LIPG: variants seen among roughly 807,000 people sequenced by gnomAD.
The protein encoded by LIPG is lipase G, endothelial type, also known as endothelial lipase.
LIPG carries 34 observed loss-of-function variants against 51.8 expected under a neutral mutation model. The observed-to-expected ratio is 0.66, with a 90% confidence interval of 0.50 to 0.87. The LOEUF is 0.87. LIPG is among the 40% of genes least tolerant of loss of function. The pLI is 0.00. For synonymous variants in LIPG, 246 were observed against 246.1 expected (o/e 1.00, Z 0.00); for missense variants, 580 against 652.7 (o/e 0.89, Z 1.21).
chr18:49,586,712 T>G (rs751698032), intron 8 of LIPG, 34 bp from the exon 9 acceptor site: 1 of 1,476,710 alleles, frequency 6.8e-7, no homozygotes, highest in Non-Finnish European at 9.5e-7. Context: ...CCCCTAAAGT[T>G]CTGCCTACAT....
intron 2 of LIPG, among the ~76,000 whole-genome samples, 157 bp from the exon 3 acceptor site, chr18:49,567,285 G>A (rs1295892452): frequency 6.6e-6 from 1 of 151,760 alleles, no homozygotes; most frequent in African/African-American, 2.4e-5. Context: ...ATCATGAGCT[G>A]AGATTGTTGT....
intron 7 of LIPG, among the ~76,000 whole-genome samples, chr18:49,583,216 G>A (rs553995056): frequency 1.3e-5 from 2 of 152,288 alleles, no homozygotes; most frequent in South Asian, 2.1e-4. Flanking sequence ...GCGGAACAGC[G>A]CACTTGAGTG....
At chr18:49,579,490 T>G (rs934395787) in intron 5 of LIPG, among the ~76,000 whole-genome samples, 3 of 151,960 alleles carry the variant, frequency 2.0e-5, no homozygotes, top group Non-Finnish European at 4.4e-5. Context: ...GAACTGAATT[T>G]GCTGCTAAAA....
At chr18:49,569,398 C>G (rs766851857) in intron 3 of LIPG, 39 bp from the exon 4 acceptor site, 2 of 1,556,276 alleles carry the variant, frequency 1.3e-6, no homozygotes, top group Non-Finnish European at 1.8e-6. Context: ...GGCTCTGGAC[C>G]CTGCTCTTCT....
intron 4 of LIPG, among the ~76,000 whole-genome samples, chr18:49,574,061 A>G (rs943761574): frequency 3.3e-5 from 5 of 152,208 alleles, no homozygotes; most frequent in African/African-American, 1.2e-4. Flanking sequence ...CTGGGGGGCA[A>G]AGCCACTTGT....
At chr18:49,567,787 C>A in intron 3 of LIPG, 166 bp downstream of exon 3, 1 of 671,818 alleles carries the variant, frequency 1.5e-6, no homozygotes, top group Non-Finnish European at 2.4e-6. Flanking sequence ...TACTTGAAAG[C>A]TGGGACTTTT....
intron 5 of LIPG, among the ~76,000 whole-genome samples, chr18:49,577,871 G>A (rs1276111706): frequency 1.7e-5 from 2 of 117,344 alleles, no homozygotes; most frequent in African/African-American, 7.5e-5. Flanking sequence ...CCTCCCAGAC[G>A]GGGTGGCTGG....
At position 49,591,261 on chromosome 18, in the gene LIPG, A is replaced by C. The variant is rs1393540295; in HGVS notation, c.*739A>C. The C allele has an allele frequency of 6.5e-6, 1 of 152,812 alleles. No homozygotes were observed. Among genetic ancestry groups the C allele is most frequent in the Non-Finnish European group, 1.5e-5 (1 of 68,598 alleles). The allele number at this position is 152,812 out of a possible 1,614,324, so 9.5% of individuals were successfully genotyped here. On this transcript the variant is annotated 3_prime_UTR_variant, in exon 10 of 10. Transcript: ENST00000261292. ...CTTTCTGTTTGGATGGTGTATGTGTATATGCATGGGGAAAGGCACCTGGGG... is the reference window on the plus strand; with the variant it reads ...CTTTCTGTTTGGATGGTGTATGTGTCTATGCATGGGGAAAGGCACCTGGGG...
intron 4 of LIPG, 131 bp from the exon 5 acceptor site, chr18:49,575,238 C>A: frequency 1.5e-6 from 1 of 674,514 alleles, no homozygotes; most frequent in Non-Finnish European, 2.6e-6. Context: ...CCATGCTTTC[C>A]ATGTCTTGAT....
At chr18:49,578,689 T>G (rs1278025441) in intron 5 of LIPG, among the ~76,000 whole-genome samples, 2 of 149,064 alleles carry the variant, frequency 1.3e-5, no homozygotes, top group African/African-American at 4.9e-5. Context: ...AGGTGTAGGT[T>G]GTAGTGAGCC....
intron 4 of LIPG, 150 bp downstream of exon 4, chr18:49,569,698 CA>C: frequency 2.9e-6 from 2 of 686,934 alleles, no homozygotes; most frequent in South Asian, 3.5e-5. Flanking sequence ...TTTTTAGTCA[CA>C]AGAAACTTTT....
At chr18:49,561,996 C>T, upstream of LIPG, 3 of 1,405,396 alleles carry the variant, frequency 2.1e-6, no homozygotes, top group Non-Finnish European at 2.8e-6. Flanking sequence ...TGCAAATCAC[C>T]ATCTGGCGAT....
At chr18:49,577,778 G>GC (rs1249668972) in intron 5 of LIPG, among the ~76,000 whole-genome samples, 1 of 111,884 alleles carries the variant, frequency 8.9e-6, no homozygotes, top group Non-Finnish European at 1.9e-5. Context: ...GGATGGGGCG[G>GC]CTGGCCAGGC....
chr18:49,596,606 G>A lies in LIPG; in HGVS notation c.*6084G>A, dbSNP rs1465699223. 3 of 128,822 alleles carry A rather than the reference G, an allele frequency of 2.3e-5. No individual in the cohort carries two copies. The highest frequency in any genetic ancestry group is 4.6e-5 in the Non-Finnish European group (3 of 64,534). The allele number at this position is 128,822 out of a possible 1,614,324, so 8.0% of individuals were successfully genotyped here. On this transcript the variant is annotated 3_prime_UTR_variant, in exon 10 of 10. Transcript: ENST00000261292. ...GCCTAGATCACGGCACTACACTCCA[G>A]CCTGGGCAACAAGAGCAAATCTCTA...
At chr18:49,579,618 C>T (rs973423023) in intron 5 of LIPG, among the ~76,000 whole-genome samples, 2 of 152,070 alleles carry the variant, frequency 1.3e-5, no homozygotes, top group Non-Finnish European at 2.9e-5. Flanking sequence ...ATGCTGTGCC[C>T]TCCACATGTC....
intron 3 of LIPG, 160 bp downstream of exon 3, chr18:49,567,781 T>C: frequency 1.4e-6 from 1 of 689,692 alleles, no homozygotes; most frequent in East Asian, 2.8e-5. Context: ...TTGGAATACT[T>C]GAAAGCTGGG....
intron 4 of LIPG, among the ~76,000 whole-genome samples, chr18:49,574,053 G>A (rs1250762324): frequency 6.6e-6 from 1 of 152,198 alleles, no homozygotes; most frequent in Non-Finnish European, 1.5e-5. Flanking sequence ...GATGTCCCCT[G>A]GGGGGCAAAG....
chr18:49,577,890 A>G, intron 5 of LIPG, among the ~76,000 whole-genome samples: 3 of 92,270 alleles, frequency 3.3e-5, no homozygotes, highest in Admixed American at 1.0e-4. Context: ...GGCCGGGCTG[A>G]GGGGCTCCTC....
intron 4 of LIPG, among the ~76,000 whole-genome samples, chr18:49,571,564 G>A (rs913615528): frequency 2.6e-5 from 4 of 152,186 alleles, no homozygotes; most frequent in Non-Finnish European, 4.4e-5. Context: ...CTGTAGAGAA[G>A]GGGCCTGGCC....
Sources: allele counts gnomAD v4.1 joint callset (sites outside exome capture counted in the v4.1 genomes callset), GRCh38; gene constraint gnomAD v4.1.1; transcripts MANE v1.5; gene names NCBI Gene and HGNC (gene_info 2026-07-23, HGNC 2026-07-21).